The following ACSM5 variants were observed in gnomAD, a reference collection of about 807,000 sequenced individuals.
ACSM5 encodes the protein acyl-coenzyme A synthetase ACSM5, mitochondrial.
In ACSM5, 56 loss-of-function variants were observed where a neutral mutation model predicts 71.6. The observed-to-expected ratio is 0.78, with a 90% CI of 0.63 to 0.98. The LOEUF (loss-of-function observed/expected upper bound fraction) is 0.98. ACSM5 is among the 50% of genes least tolerant of loss of function. ACSM5 has a pLI of 0.00. For synonymous variants in ACSM5, 285 were observed against 281.5 expected (o/e 1.01, Z -0.12); for missense variants, 723 against 726.0 (o/e 1.00, Z 0.05).
chr16:20,429,434 G>T (rs1327579668), intron 7 of ACSM5, among the ~76,000 whole-genome samples: 2 of 152,044 alleles, frequency 1.3e-5, no homozygotes, highest in Non-Finnish European at 2.9e-5. Flanking sequence ...ACCATATTAT[G>T]CCAAAACCTA....
intron 2 of ACSM5, among the ~76,000 whole-genome samples, chr16:20,416,286 A>G (rs1218633597): frequency 1.6e-5 from 2 of 122,610 alleles, no homozygotes; most frequent in Non-Finnish European, 1.8e-5. Flanking sequence ...AACAGCCTTG[A>G]AAAAAAAAAA....
In ACSM5 at chr16:20,424,245, C is replaced by T. The variant is rs12102633; in HGVS notation, c.921+176C>T. Among the ~76,000 whole-genome samples the T allele has an allele frequency of 2.3e-3, 350 of 152,238 alleles. 1 individual carries two copies. Among genetic ancestry groups the T allele is most frequent in the African/African-American group, 7.9e-3 (330 of 41,524 alleles). Reference sequence around the variant, plus strand: ...ACCACCTGGTTCCCTTCAATCATTGCCTATGCTCTAGCTACATTCCTAGAT... The same window carrying T: ...ACCACCTGGTTCCCTTCAATCATTGTCTATGCTCTAGCTACATTCCTAGAT... On this transcript the variant is annotated intron_variant, in intron 6 of 13. Transcript: ENST00000331849.
At chr16:20,435,332 C>T (rs1485251558) in intron 10 of ACSM5, among the ~76,000 whole-genome samples, 3 of 152,164 alleles carry the variant, frequency 2.0e-5, no homozygotes, top group Admixed American at 1.3e-4. Flanking sequence ...TGCACCAGGC[C>T]GATTAAGTCT....
rs182690869 is a variant in ACSM5 at position 20,425,516 on chromosome 16, G to C, written c.921+1447G>C. ...TCTTTAGTGGTGATTGTAAGATTTTGGTGCACCCATCACCTGAGCAGTATA... is the reference window on the plus strand; with the variant it reads ...TCTTTAGTGGTGATTGTAAGATTTTCGTGCACCCATCACCTGAGCAGTATA... On this transcript the variant is annotated intron_variant, in intron 6 of 13. Coordinates refer to ENST00000331849, the MANE Select transcript of ACSM5 (RefSeq NM_017888.3). Among the ~76,000 whole-genome samples, 9 of 152,132 alleles carry C rather than the reference G, an allele frequency of 5.9e-5. No individual in the cohort carries two copies. The East Asian group carries it at 1.4e-3, about 23-fold the overall frequency.
Position 20,438,677 on chromosome 16 carries a change from C to T in ACSM5, c.1537-1123C>T, listed in dbSNP as rs556517398. On this transcript the variant is annotated intron_variant, in intron 12 of 13. Transcript: ENST00000331849. ...TGTAGAAAGTGCCCAACACATAAGC[C>T]GGACACGGTGGCTCATGTCTGTAAT... Among the ~76,000 whole-genome samples the T allele has an allele frequency of 1.8e-4, 27 of 151,642 alleles. 1 individual carries two copies. In the South Asian group the frequency reaches 4.4e-3, roughly 25 times the overall value.
At chr16:20,414,552 A>G (rs1966853087) in intron 2 of ACSM5, among the ~76,000 whole-genome samples, 1 of 152,272 alleles carries the variant, frequency 6.6e-6, no homozygotes, top group Non-Finnish European at 1.5e-5. Context: ...GTTTATCTCC[A>G]GAACTATAAG....
intron 2 of ACSM5, among the ~76,000 whole-genome samples, chr16:20,413,214 C>T (rs1399892073): frequency 6.6e-6 from 1 of 152,004 alleles, no homozygotes; most frequent in Non-Finnish European, 1.5e-5. Flanking sequence ...AAGACTTCTC[C>T]TAATGATAAA....
At position 20,422,218 on chromosome 16, in the gene ACSM5, T is replaced by A. The variant is rs1235277906; in HGVS notation, c.767+817T>A. Among the ~76,000 whole-genome samples the A allele has an allele frequency of 2.0e-5, 3 of 152,148 alleles. No individual in the cohort carries two copies. The East Asian group carries it at 5.8e-4, about 29-fold the overall frequency. The stretch of plus-strand genomic sequence containing the variant: ...CCTCTGCCTTCCAGTTTCAAGCAAT[T>A]CTCCTGCCTCAGCCTCCCAGATAGC... On this transcript the variant is annotated intron_variant, in intron 5 of 13. Transcript: ENST00000331849.
chr16:20,413,801 T>C (rs1966851798), intron 2 of ACSM5, among the ~76,000 whole-genome samples: 1 of 152,104 alleles, frequency 6.6e-6, no homozygotes, highest in South Asian at 2.1e-4. Context: ...TAAGGCAGGA[T>C]TGTTAATTGC....
In ACSM5 at chr16:20,437,023, G is replaced by T. The variant is rs376756379; in HGVS notation, c.1309-29G>T. The stretch of plus-strand genomic sequence containing the variant: ...TGGCCTTAGCAGTTGTTCCCAGAGG[G>T]TCCTTCACGGGTTGTCTTTGTCTTT... On this transcript the variant is annotated intron_variant, in intron 10 of 13. Transcript: ENST00000331849. The T allele has an allele frequency of 2.5e-6, 4 of 1,613,196 alleles. 1 individual carries two copies. The highest frequency in any genetic ancestry group is 1.1e-5 in the South Asian group (1 of 91,018).
At chr16:20,427,978 T>C (rs12923177) in intron 7 of ACSM5, 111 bp downstream of exon 7, 307 of 825,356 alleles carry the variant, frequency 3.7e-4, no homozygotes, top group African/African-American at 5.1e-4. Flanking sequence ...TCTCTGTCTC[T>C]CCCTCTATAT....
At chr16:20,433,268 G>C (rs1967136482) in intron 10 of ACSM5, among the ~76,000 whole-genome samples, 1 of 152,162 alleles carries the variant, frequency 6.6e-6, no homozygotes, top group South Asian at 2.1e-4. Context: ...TGTGAGTTTT[G>C]ATAAGCTAAG....
In ACSM5 at chr16:20,430,996, G is replaced by A; in HGVS notation, c.1129G>A (p.Val377Ile). The A allele has an allele frequency of 6.2e-7, 1 of 1,612,676 alleles. No individual in the cohort carries two copies. Among genetic ancestry groups the A allele is most frequent in the South Asian group, 1.1e-5 (1 of 90,802 alleles). The part of the protein sequence containing the change: ...YEGYGQSETV[V>I]ICANPKGMKI... ...ATCTGTACTGCGTTCTCCCCAGGTT[G>A]TCATCTGTGCCAATCCAAAAGGCAT... Residue 377 changes from valine (V) to isoleucine (I), a missense_variant, in exon 9 of 14, where the codon GTC becomes ATC. Val to Ile is a conservative substitution (Grantham distance 29). Transcript: ENST00000331849.
chr16:20,431,844 G>T (rs1196480855), intron 10 of ACSM5, among the ~76,000 whole-genome samples: 2 of 152,026 alleles, frequency 1.3e-5, no homozygotes, highest in Admixed American at 6.6e-5. Context: ...CCAGCTACTT[G>T]GGAGGCTGAG....
chr16:20,418,334 C>A, intron 3 of ACSM5, 65 bp downstream of exon 3: 1 of 1,476,536 alleles, frequency 6.8e-7, no homozygotes, highest in Non-Finnish European at 9.1e-7. Flanking sequence ...TTTGCAGTGT[C>A]CACAGGGTCT....
intron 10 of ACSM5, 73 bp downstream of exon 10, chr16:20,431,394 A>G: frequency 8.1e-7 from 1 of 1,231,148 alleles, no homozygotes; most frequent in Non-Finnish European, 1.2e-6. Context: ...CTTTGTAAAT[A>G]TCTATTTGTT....
At chr16:20,432,506 A>G (rs778991118) in intron 10 of ACSM5, among the ~76,000 whole-genome samples, 4 of 152,226 alleles carry the variant, frequency 2.6e-5, no homozygotes, top group African/African-American at 4.8e-5. Context: ...AAATCCCACA[A>G]CATAGTAATC....
chr16:20,411,728 G>C, intron 2 of ACSM5, 40 bp downstream of exon 2: 1 of 1,589,928 alleles, frequency 6.3e-7, no homozygotes, highest in Non-Finnish European at 8.6e-7. Flanking sequence ...TGGGGCATCT[G>C]AGGCTGCCCT....
intron 2 of ACSM5, among the ~76,000 whole-genome samples, chr16:20,414,047 G>T (rs1966852138): frequency 6.6e-6 from 1 of 152,152 alleles, no homozygotes; most frequent in Admixed American, 6.5e-5. Context: ...GAGTTGTGGG[G>T]AATGGGTGGG....
Sources: gnomAD v4.1 joint callset for allele counts (sites outside exome capture counted in the v4.1 genomes callset) on GRCh38, gnomAD v4.1.1 for gene constraint, MANE v1.5 for transcripts, NCBI Gene and HGNC (gene_info 2026-07-23, HGNC 2026-07-21) for gene names.